The following TMEM236 variants were observed in gnomAD, a reference collection of about 807,000 sequenced individuals.
The protein encoded by TMEM236 is family with sequence similarity 23, member A.
A neutral mutation model predicts 14.7 loss-of-function variants in TMEM236; 11 were observed. The observed-to-expected ratio is 0.75, with a 90% CI of 0.47 to 1.24. TMEM236 has a LOEUF of 1.24. Among genes scored for constraint, TMEM236 ranks in the 50% most tolerant of loss-of-function variants. The probability of loss-of-function intolerance (pLI) is 0.00; values close to 1 mark genes in which losing one functional copy is unlikely to be tolerated. For synonymous variants in TMEM236, 182 were observed against 168.6 expected, an observed-to-expected ratio of 1.08 and a Z score of -0.62; for missense variants, 464 against 427.3, an observed-to-expected ratio of 1.09 and a Z score of -0.76.
At chr10:17,790,804 A>G (rs1837913817) in intron 3 of TMEM236, among the ~76,000 whole-genome samples, 1 of 152,034 alleles carries the variant, frequency 6.6e-6, no homozygotes, top group Admixed American at 6.5e-5. Context: ...GATTTGGGGG[A>G]TTACCCTAAG....
At chr10:17,783,250 G>A (rs1837783395) in intron 3 of TMEM236, among the ~76,000 whole-genome samples, 1 of 152,172 alleles carries the variant, frequency 6.6e-6, no homozygotes, top group African/African-American at 2.4e-5. Context: ...GACTACTAGG[G>A]ACTGGTTACA....
rs924738093 is a variant in TMEM236, at chr10:17,799,813, T to A, written c.*3309T>A. ...GCATTTTGTATCTAATATTTTAATA[T>A]GAATGTGCCTGATATTTTCGGAAGT... On this transcript the variant is annotated 3_prime_UTR_variant, in exon 4 of 4. Transcript: ENST00000377495. 3 of 148,102 alleles carry A rather than the reference T, an allele frequency of 2.0e-5. No homozygotes were observed. The highest frequency in any genetic ancestry group is 4.5e-5 in the Non-Finnish European group (3 of 67,360). The allele number at this position is 148,102 out of a possible 1,614,324, so 9.2% of individuals were successfully genotyped here. A position where few individuals can be genotyped will look rare whatever the true frequency, so the allele number is the denominator to read the frequency against.
intron 1 of TMEM236, among the ~76,000 whole-genome samples, chr10:17,753,422 C>T (rs1265495183): frequency 5.3e-5 from 8 of 152,074 alleles, no homozygotes; most frequent in Non-Finnish European, 1.2e-4. Context: ...TGGAAGGCCC[C>T]GGTGTGTGTT....
At chr10:17,769,951 G>A (rs1415857470) in intron 1 of TMEM236, among the ~76,000 whole-genome samples, 1 of 152,162 alleles carries the variant, frequency 6.6e-6, no homozygotes, top group Non-Finnish European at 1.5e-5. Context: ...AGTGAGAATA[G>A]TACCCAAAAG....
At chr10:17,777,197 C>T (rs1409278770) in intron 3 of TMEM236, among the ~76,000 whole-genome samples, 2 of 152,262 alleles carry the variant, frequency 1.3e-5, no homozygotes, top group East Asian at 3.9e-4. Context: ...GTGGAGGCCA[C>T]TAGGAAGTTG....
rs949416210 is a variant in TMEM236, at chr10:17,756,079, C to T, written c.257+3527C>T. Among the ~76,000 whole-genome samples the T allele has an allele frequency of 2.9e-3, 435 of 152,228 alleles. 1 individual carries two copies. The highest frequency in any genetic ancestry group is 8.6e-3 in the Admixed American group (131 of 15,294). On this transcript the variant is annotated intron_variant, in intron 1 of 3. Coordinates refer to ENST00000377495, the MANE Select transcript of TMEM236 (RefSeq NM_001098844.3). ...GCCCAGAGTTAGAGATCAGCCTGGG[C>T]AACATAGTGAGACCTCGTCTCTACA...
chr10:17,800,298 G>A lies in TMEM236; in HGVS notation c.*3794G>A, dbSNP rs1271954809. The A allele has an allele frequency of 1.3e-5, 2 of 150,644 alleles. No individual in the cohort carries two copies. Among genetic ancestry groups the A allele is most frequent in the Admixed American group, 6.6e-5 (1 of 15,134 alleles). 9.3% of individuals were successfully genotyped at this position (150,644 alleles called of 1,614,324 possible). A position where few individuals can be genotyped will look rare whatever the true frequency, so the allele number is the denominator to read the frequency against. On this transcript the variant is annotated 3_prime_UTR_variant, in exon 4 of 4. Transcript: ENST00000377495. ...GCATTTAAAAATTAATCTATGATTA[G>A]GCTATTAATATATAGTCTAATAATT...
At chr10:17,763,190 TGCTTACTGGGCACAG>T (rs1837404878) in intron 1 of TMEM236, among the ~76,000 whole-genome samples, 1 of 152,120 alleles carries the variant, frequency 6.6e-6, no homozygotes, top group South Asian at 2.1e-4. Context: ...CAAAACTTAG[TGCTTACTGGGCACAG>T]ACTTGGTAGG....
intron 1 of TMEM236, among the ~76,000 whole-genome samples, chr10:17,755,468 G>C (rs1471312288): frequency 6.6e-6 from 1 of 152,148 alleles, no homozygotes; most frequent in Non-Finnish European, 1.5e-5. Context: ...CTACTTCTGC[G>C]AACCTTGCCA....
chr10:17,778,418 G>T (rs1837693435), intron 3 of TMEM236, among the ~76,000 whole-genome samples: 3 of 152,054 alleles, frequency 2.0e-5, no homozygotes, highest in Admixed American at 2.0e-4. Context: ...GAATCCATGA[G>T]GTTTTCTCAT....
At chr10:17,767,338 G>A (rs1837484171) in intron 1 of TMEM236, among the ~76,000 whole-genome samples, 1 of 152,146 alleles carries the variant, frequency 6.6e-6, no homozygotes, top group Admixed American at 6.6e-5. Flanking sequence ...GCATGTGCCT[G>A]TGATCCCAGC....
intron 3 of TMEM236, among the ~76,000 whole-genome samples, chr10:17,780,423 CA>C (rs1837727171): frequency 1.3e-5 from 2 of 152,148 alleles, no homozygotes; most frequent in Non-Finnish European, 2.9e-5. Context: ...ATAGGACTTG[CA>C]GCCCAGGCCA....
At chr10:17,766,448 C>G (rs569855099) in intron 1 of TMEM236, among the ~76,000 whole-genome samples, 46 of 152,282 alleles carry the variant, frequency 3.0e-4, no homozygotes, top group Middle Eastern at 3.4e-3. Flanking sequence ...GACAATGTAT[C>G]TACTCTCTAA....
intron 1 of TMEM236, among the ~76,000 whole-genome samples, chr10:17,768,727 ATGTG>A (rs570319904): frequency 1.4e-3 from 206 of 144,272 alleles, no homozygotes; most frequent in African/African-American, 2.8e-3. Context: ...TATACAACTC[ATGTG>A]TGTGTGTGTG....
At chr10:17,788,436 T>C in intron 3 of TMEM236, among the ~76,000 whole-genome samples, 1 of 151,422 alleles carries the variant, frequency 6.6e-6, no homozygotes, top group Non-Finnish European at 1.5e-5. Flanking sequence ...AAAGCAGCAG[T>C]AGAGGGAAAA....
intron 3 of TMEM236, among the ~76,000 whole-genome samples, chr10:17,778,600 T>C (rs1328693262): frequency 6.6e-6 from 1 of 152,184 alleles, no homozygotes; most frequent in Non-Finnish European, 1.5e-5. Context: ...ATAATTTGGC[T>C]CCCTTTAGGA....
intron 1 of TMEM236, among the ~76,000 whole-genome samples, chr10:17,762,501 C>G (rs1336432345): frequency 6.7e-6 from 1 of 148,222 alleles, no homozygotes; most frequent in African/African-American, 2.5e-5. Flanking sequence ...TAGAAATCCT[C>G]TGGGTTAATA....
At chr10:17,778,485 C>G (rs1375167022) in intron 3 of TMEM236, among the ~76,000 whole-genome samples, 1 of 152,096 alleles carries the variant, frequency 6.6e-6, no homozygotes, top group Non-Finnish European at 1.5e-5. Flanking sequence ...ATCTTAAATA[C>G]ATAAATCTGA....
intron 1 of TMEM236, among the ~76,000 whole-genome samples, chr10:17,765,936 C>A (rs2131745206): frequency 6.6e-6 from 1 of 152,332 alleles, no homozygotes; most frequent in Non-Finnish European, 1.5e-5. Flanking sequence ...CATTTTCTCC[C>A]TGGAGTCCTA....
Sources: allele counts gnomAD v4.1 joint callset (sites outside exome capture counted in the v4.1 genomes callset), GRCh38; gene constraint gnomAD v4.1.1; transcripts MANE v1.5; gene names NCBI Gene and HGNC (gene_info 2026-07-23, HGNC 2026-07-21).